SHCBP1: variants seen among roughly 807,000 people sequenced by gnomAD.
SHCBP1 encodes the protein SHC SH2 domain-binding protein 1.
SHCBP1 carries 60 observed loss-of-function variants against 75.1 expected under a neutral mutation model. That is an observed-to-expected ratio of 0.80 (90% CI 0.65 to 0.99). The LOEUF is 0.99. Ranked by LOEUF, SHCBP1 falls within the 50% of genes least tolerant of loss-of-function variation. The probability of loss-of-function intolerance (pLI) is 0.00; values close to 1 mark genes in which losing one functional copy is unlikely to be tolerated. For synonymous variants in SHCBP1, 290 were observed against 293.2 expected (o/e 0.99, Z 0.11); for missense variants, 709 against 809.4 (o/e 0.88, Z 1.50).
At chr16:46,611,017 ACTGT>A (rs1191109413) in intron 4 of SHCBP1, among the ~76,000 whole-genome samples, 1 of 152,166 alleles carries the variant, frequency 6.6e-6, no homozygotes, top group African/African-American at 2.4e-5. Flanking sequence ...GGCCAAAGCC[ACTGT>A]CTGTGTGGAG....
chr16:46,592,834 G>C (rs985180825), intron 10 of SHCBP1, among the ~76,000 whole-genome samples: 8 of 149,690 alleles, frequency 5.3e-5, no homozygotes, highest in African/African-American at 2.0e-4. Context: ...CTGTTTTCCA[G>C]TAAGAAAAAT....
chr16:46,608,502 C>T lies in SHCBP1; in HGVS notation c.597-113G>A, dbSNP rs1282225464. 1.2e-5 allele frequency: 8 copies of T among 683,800 alleles called. No individual in the cohort carries two copies. The African/African-American group carries it at 1.3e-4, about 11-fold the overall frequency. 42.4% of individuals were successfully genotyped at this position (683,800 alleles called of 1,614,324 possible). ...AACAATTCTCATATCTTAGAGAATG[C>T]TGCATATTTGCTATGGTTGATAGTC... On this transcript the variant is annotated intron_variant, in intron 4 of 12. Coordinates refer to ENST00000303383, the MANE Select transcript of SHCBP1 (RefSeq NM_024745.5).
chr16:46,587,882 C>A (rs966313910), intron 10 of SHCBP1, among the ~76,000 whole-genome samples: 1 of 152,210 alleles, frequency 6.6e-6, no homozygotes, highest in Non-Finnish European at 1.5e-5. Flanking sequence ...CACCACATCA[C>A]ACTTATTCCA....
In SHCBP1 at chr16:46,618,318, C is replaced by A; in HGVS notation, c.158G>T (p.Gly53Val). ...TGGCATAAAACTTTGTAAACTAGAA[C>A]CTGGTTTATCACGGTAGCTACAATC... is the stretch of plus-strand genomic sequence containing the variant. Reference protein sequence around the residue: ...CSDCSYRDKPGSSLQSFMPEG... With the variant: ...CSDCSYRDKPVSSLQSFMPEG... The change falls in exon 2 of 13, where the codon GGT becomes GTT. Residue 53 changes from glycine (G) to valine (V), a missense_variant. Gly to Val is a moderately radical substitution (Grantham distance 109). Coordinates refer to ENST00000303383, the MANE Select transcript of SHCBP1 (RefSeq NM_024745.5). The A allele has an allele frequency of 6.2e-7, 1 of 1,613,174 alleles. No individual in the cohort carries two copies. Among genetic ancestry groups the A allele is most frequent in the Middle Eastern group, 1.7e-4 (1 of 6,060 alleles).
chr16:46,618,498 C>T (rs1477842199), intron 1 of SHCBP1, 126 bp from the exon 2 acceptor site: 2 of 993,874 alleles, frequency 2.0e-6, no homozygotes, highest in African/African-American at 1.7e-5. Flanking sequence ...GTCTACTTAC[C>T]TCTACCATTG....
chr16:46,608,907 C>T (rs1369243140), intron 4 of SHCBP1, among the ~76,000 whole-genome samples: 1 of 151,980 alleles, frequency 6.6e-6, no homozygotes, highest in Non-Finnish European at 1.5e-5. Context: ...CCAGGACTTT[C>T]TTTTTATTGG....
At position 46,603,889 on chromosome 16, in the gene SHCBP1, C is replaced by A. The variant is rs999417349; in HGVS notation, c.1092+86G>T. On this transcript the variant is annotated intron_variant, in intron 7 of 12. Coordinates refer to ENST00000303383, the MANE Select transcript of SHCBP1 (RefSeq NM_024745.5). ...CACAGAAAACCGTCTTGGGAAAGCT[C>A]CTGTAAATACTTTGTGGGATTTGTG... 6.0e-6 allele frequency: 9 copies of A among 1,504,214 alleles called. No homozygotes were observed. In the African/African-American group the frequency reaches 9.8e-5, roughly 16 times the overall value. The allele number at this position is 1,504,214 out of a possible 1,614,324, so 93.2% of individuals were successfully genotyped here.
chr16:46,610,012 G>A (rs915074639), intron 4 of SHCBP1, among the ~76,000 whole-genome samples: 1 of 150,872 alleles, frequency 6.6e-6, no homozygotes, highest in Non-Finnish European at 1.5e-5. Context: ...GTGCAACGGT[G>A]CGATCTCGTC....
In SHCBP1 at chr16:46,617,765, A is replaced by G. The variant is rs1213923971; in HGVS notation, c.272-16T>C. On this transcript the variant is annotated splice_polypyrimidine_tract_variant and intron_variant, in intron 2 of 12. Transcript: ENST00000303383. ...TTGCAGTCAGCTACAAACAAATTAA[A>G]CACAGGAAGAATTGAGAATGCATAA... The G allele has an allele frequency of 6.3e-7, 1 of 1,582,778 alleles. No individual in the cohort carries two copies. Among genetic ancestry groups the G allele is most frequent in the Non-Finnish European group, 8.7e-7 (1 of 1,153,666 alleles).
At position 46,581,895 on chromosome 16, in the gene SHCBP1, A is replaced by G. The variant is rs1964877295; in HGVS notation, c.1853T>C (p.Leu618Pro). ...VEGNCEIVNE[L>P]IAASTQKGQI... ...GCCTTTCTGTGTGGAGGCAGCAATT[A>G]GTTCATTTACAATTTCACAATTTCC... is the stretch of plus-strand genomic sequence containing the variant. The change falls in exon 13 of 13, where the codon CTA becomes CCA. Residue 618 changes from leucine to proline, a missense_variant. Transcript: ENST00000303383. 2 of 1,614,166 alleles carry G rather than the reference A, an allele frequency of 1.2e-6. No individual in the cohort carries two copies. The highest frequency in any genetic ancestry group is 1.6e-4 in the Middle Eastern group (1 of 6,062).
intron 4 of SHCBP1, among the ~76,000 whole-genome samples, chr16:46,611,453 T>C (rs933290033): frequency 2.0e-5 from 3 of 152,222 alleles, no homozygotes; most frequent in Admixed American, 1.3e-4. Context: ...CAAACATTTA[T>C]TCCTTGATTT....
chr16:46,584,433 T>G (rs1000695348), intron 10 of SHCBP1, among the ~76,000 whole-genome samples: 1 of 152,162 alleles, frequency 6.6e-6, no homozygotes, highest in Admixed American at 6.5e-5. Context: ...ACAATTTTGT[T>G]GAAAGACACA....
chr16:46,617,233 G>C (rs1340464450), intron 3 of SHCBP1, among the ~76,000 whole-genome samples: 1 of 152,088 alleles, frequency 6.6e-6, no homozygotes, highest in African/African-American at 2.4e-5. Flanking sequence ...AGTGAGCCGA[G>C]ATCGTCCCAC....
chr16:46,589,091 T>A (rs1266359580), intron 10 of SHCBP1, among the ~76,000 whole-genome samples: 2 of 152,208 alleles, frequency 1.3e-5, no homozygotes, highest in East Asian at 3.8e-4. Context: ...TCTCAATAGA[T>A]GCAGAAAAGG....
intron 9 of SHCBP1, among the ~76,000 whole-genome samples, chr16:46,597,563 C>A (rs1355434344): frequency 1.2e-4 from 19 of 152,182 alleles, no homozygotes; most frequent in African/African-American, 4.6e-4. Context: ...CTAAAACATG[C>A]TAACAATCCT....
rs200068397 is a variant in SHCBP1, at chr16:46,618,221, A to T, written c.255T>A (p.Tyr85Ter). ...QLLFYERFRA[Y>*]QDYILADCKA... ...CCTACTCACCTAAAATGTAATCTTG[A>T]TAGGCTCTGAATCGCTCATAGAACA... is the stretch of plus-strand genomic sequence containing the variant. The change falls in exon 2 of 13, where the codon TAT becomes TAA. Residue 85 changes from tyrosine (Y) to a stop codon, truncating the protein, a stop_gained. Transcript: ENST00000303383. LOFTEE classifies it high-confidence loss of function. 45 of 1,591,856 alleles carry T rather than the reference A, an allele frequency of 2.8e-5. No individual in the cohort carries two copies. Among genetic ancestry groups the T allele is most frequent in the Non-Finnish European group, 3.7e-5 (44 of 1,174,250 alleles).
At chr16:46,605,425 C>T (rs1194378470) in intron 5 of SHCBP1, among the ~76,000 whole-genome samples, 2 of 152,052 alleles carry the variant, frequency 1.3e-5, no homozygotes, top group African/African-American at 2.4e-5. Flanking sequence ...CCTGTCACTA[C>T]AAAAATACAA....
At chr16:46,610,167 G>T (rs998462584) in intron 4 of SHCBP1, among the ~76,000 whole-genome samples, 1 of 151,976 alleles carries the variant, frequency 6.6e-6, no homozygotes, top group Non-Finnish European at 1.5e-5. Context: ...GGCCAGGCTG[G>T]TCTCAAACTG....
chr16:46,586,773 G>A (rs560985017), intron 10 of SHCBP1, among the ~76,000 whole-genome samples: 9 of 152,172 alleles, frequency 5.9e-5, no homozygotes, highest in East Asian at 5.8e-4. Flanking sequence ...AACCATGGAC[G>A]TCAGATGAAA....
Sources: allele counts gnomAD v4.1 joint callset (sites outside exome capture counted in the v4.1 genomes callset), GRCh38; gene constraint gnomAD v4.1.1; transcripts MANE v1.5; gene names NCBI Gene and HGNC (gene_info 2026-07-23, HGNC 2026-07-21).